Variants in ZFR observed in about 807,000 individuals in gnomAD.
ZFR encodes the protein zinc finger RNA binding protein.
In ZFR, 19 loss-of-function variants were observed where a neutral mutation model predicts 130.7. The ratio of observed to expected loss-of-function variants is 0.15; its 90% CI spans 0.10 to 0.21. The LOEUF (loss-of-function observed/expected upper bound fraction) is 0.21, where lower values mean the gene tolerates loss of function less well. Ranked by LOEUF, ZFR falls within the 10% of genes least tolerant of loss-of-function variation. The pLI is 1.00. For missense variants in ZFR, 872 were observed against 1,321.5 expected (o/e 0.66, Z 5.27); for synonymous variants, 466 against 456.9 (o/e 1.02, Z -0.25).
chr5:32,388,702 A>C, intron 12 of ZFR, 28 bp from the exon 13 acceptor site: 1 of 1,544,174 alleles, frequency 6.5e-7, no homozygotes, highest in South Asian at 1.2e-5. Flanking sequence ...TGCTCAATTT[A>C]AAAAAAAGTT....
At chr5:32,440,978 A>G (rs1233732630) in intron 2 of ZFR, among the ~76,000 whole-genome samples, 1 of 152,158 alleles carries the variant, frequency 6.6e-6, no homozygotes, top group Non-Finnish European at 1.5e-5. Flanking sequence ...AATTACTTTT[A>G]TTGTATTTTA....
At chr5:32,358,272 G>A (rs1056410212) in intron 19 of ZFR, among the ~76,000 whole-genome samples, 1 of 152,098 alleles carries the variant, frequency 6.6e-6, no homozygotes, top group African/African-American at 2.4e-5. Context: ...CAGGAGTATC[G>A]CTTGAACCCG....
At position 32,417,795 on chromosome 5, in the gene ZFR, A is replaced by G. The variant is rs369294422; in HGVS notation, c.421-3T>C. The stretch of plus-strand genomic sequence containing the variant: ...GACCTTACATATGAGTATGAATCCT[A>G]AAGAAAAGGAATGAAAGAAAATCTT... On this transcript the variant is annotated splice_polypyrimidine_tract_variant and splice_region_variant and intron_variant, in intron 3 of 19. Transcript: ENST00000265069. The G allele has an allele frequency of 3.0e-5, 48 of 1,610,632 alleles. No homozygotes were observed. The highest frequency in any genetic ancestry group is 3.8e-5 in the Non-Finnish European group (45 of 1,177,516).
intron 17 of ZFR, among the ~76,000 whole-genome samples, chr5:32,377,184 G>A (rs1348595576): frequency 1.3e-5 from 2 of 149,702 alleles, no homozygotes; most frequent in East Asian, 3.9e-4. Flanking sequence ...AAAAAAAGTG[G>A]TAACTTTCCT....
intron 4 of ZFR, among the ~76,000 whole-genome samples, 163 bp from the exon 5 acceptor site, chr5:32,415,350 T>C (rs1000055073): frequency 2.0e-5 from 3 of 152,194 alleles, no homozygotes; most frequent in African/African-American, 7.2e-5. Flanking sequence ...TTATTACCAA[T>C]ATGAATAGAA....
At chr5:32,359,718 A>G (rs1007058870) in intron 19 of ZFR, among the ~76,000 whole-genome samples, 1 of 152,220 alleles carries the variant, frequency 6.6e-6, no homozygotes, top group East Asian at 1.9e-4. Flanking sequence ...TGGGAGACCA[A>G]GGTGGGTGGA....
intron 17 of ZFR, among the ~76,000 whole-genome samples, chr5:32,367,469 T>C (rs1328848247): frequency 4.5e-3 from 1 of 224 alleles, no homozygotes; most frequent in Non-Finnish European, 0.011. Context: ...ATAAAGTAAA[T>C]AAATAAATAA....
intron 2 of ZFR, among the ~76,000 whole-genome samples, chr5:32,440,825 T>C (rs909599686): frequency 6.6e-6 from 1 of 152,194 alleles, no homozygotes; most frequent in African/African-American, 2.4e-5. Flanking sequence ...ACAAATTCAT[T>C]ATTACAGGTC....
intron 19 of ZFR, among the ~76,000 whole-genome samples, chr5:32,361,254 T>C (rs1337611147): frequency 6.6e-6 from 1 of 152,246 alleles, no homozygotes. Context: ...TAGATAATTC[T>C]AGTTGCTAAG....
chr5:32,405,787 T>C (rs144185421), intron 6 of ZFR, among the ~76,000 whole-genome samples: 26 of 152,278 alleles, frequency 1.7e-4, no homozygotes, highest in African/African-American at 5.8e-4. Flanking sequence ...ACAACAAAAC[T>C]ATTTCCTGCC....
intron 2 of ZFR, among the ~76,000 whole-genome samples, chr5:32,431,993 A>ATTT (rs572737993): frequency 7.3e-6 from 1 of 137,580 alleles, no homozygotes; most frequent in Non-Finnish European, 1.6e-5. Flanking sequence ...ATGCCCAGCT[A>ATTT]TTTTTTTTTT....
chr5:32,388,677 A>G lies in ZFR; in HGVS notation c.2143-3T>C. 1 of 1,591,574 alleles carries G rather than the reference A, an allele frequency of 6.3e-7. No individual in the cohort carries two copies. The highest frequency in any genetic ancestry group is 1.2e-5 in the South Asian group (1 of 85,816). On this transcript the variant is annotated splice_polypyrimidine_tract_variant and splice_region_variant and intron_variant, in intron 12 of 19. Coordinates refer to ENST00000265069, the MANE Select transcript of ZFR (RefSeq NM_016107.5). The stretch of plus-strand genomic sequence containing the variant: ...GATGAGTCAGGACGACGTAAGGGCT[A>G]CAGAGAAACAAAGTTGCTCAATTTA...
At chr5:32,420,299 TTC>T (rs1003598251) in intron 2 of ZFR, among the ~76,000 whole-genome samples, 196 bp from the exon 3 acceptor site, 4 of 152,154 alleles carry the variant, frequency 2.6e-5, no homozygotes, top group South Asian at 2.1e-4. Flanking sequence ...GTAATTTTCA[TTC>T]TTTTTTTTTT....
At chr5:32,358,107 C>G (rs1291797267) in intron 19 of ZFR, among the ~76,000 whole-genome samples, 1 of 152,218 alleles carries the variant, frequency 6.6e-6, no homozygotes, top group African/African-American at 2.4e-5. Flanking sequence ...CCTGTAATCT[C>G]AGCACTCTGG....
chr5:32,413,615 CAATG>C (rs1384801940), intron 5 of ZFR, among the ~76,000 whole-genome samples: 1 of 151,862 alleles, frequency 6.6e-6, no homozygotes, highest in East Asian at 1.9e-4. Context: ...AAGAGAGAAA[CAATG>C]AACAGGAAAA....
intron 17 of ZFR, among the ~76,000 whole-genome samples, chr5:32,376,978 ACC>A (rs1752828266): frequency 7.1e-6 from 1 of 141,164 alleles, no homozygotes; most frequent in Non-Finnish European, 1.5e-5. Context: ...CTGAAAAAAA[ACC>A]CCTGTCTCTA....
intron 3 of ZFR, 71 bp from the exon 4 acceptor site, chr5:32,417,863 A>T: frequency 6.9e-7 from 1 of 1,459,022 alleles, no homozygotes; most frequent in Non-Finnish European, 9.4e-7. Flanking sequence ...ACTGTATAGA[A>T]GTGCAATAAA....
At position 32,438,253 on chromosome 5, in the gene ZFR, A is replaced by ATTTTTTTTTTTTTTTTTTTTTTTTTT. The variant is rs869249272; in HGVS notation, c.137+5950_137+5975dup. 1.8e-4 allele frequency among the ~76,000 whole-genome samples: 11 copies of ATTTTTTTTTTTTTTTTTTTTTTTTTT among 61,042 alleles called. 3 individuals carry two copies. Among genetic ancestry groups the ATTTTTTTTTTTTTTTTTTTTTTTTTT allele is most frequent in the African/African-American group, 2.2e-4 (3 of 13,930 alleles). 40.0% of individuals were successfully genotyped at this position (61,042 alleles called of 152,430 possible). ...AGAATGCTACTGATTTTATCTGAAA[A>ATTTTTTTTTTTTTTTTTTTTTTTTTT]TTTTTTTTTTTTTTTTTTTTTTTTT... On this transcript the variant is annotated intron_variant, in intron 2 of 19. Transcript: ENST00000265069.
chr5:32,362,660 C>T (rs891988358), intron 19 of ZFR, among the ~76,000 whole-genome samples: 11 of 152,166 alleles, frequency 7.2e-5, no homozygotes, highest in Admixed American at 3.9e-4. Flanking sequence ...TATCCTTAAA[C>T]ACTCCTAGGA....
Sources: allele counts gnomAD v4.1 joint callset (sites outside exome capture counted in the v4.1 genomes callset), GRCh38; gene constraint gnomAD v4.1.1; transcripts MANE v1.5; gene names NCBI Gene and HGNC (gene_info 2026-07-23, HGNC 2026-07-21).